NXN: variants seen among roughly 807,000 people sequenced by gnomAD.
NXN encodes the protein nucleoredoxin 1.
NXN carries 16 observed loss-of-function variants against 48.6 expected under a neutral mutation model. The observed-to-expected ratio is 0.33, with a 90% CI of 0.22 to 0.50. NXN has a LOEUF of 0.50. NXN is among the 20% of genes least tolerant of loss of function. The probability of loss-of-function intolerance (pLI) is 0.98; values close to 1 mark genes in which losing one functional copy is unlikely to be tolerated. For synonymous variants in NXN, 281 were observed against 269.6 expected (o/e 1.04, Z -0.41); for missense variants, 492 against 605.5 (o/e 0.81, Z 1.97).
In NXN at chr17:978,198, C is replaced by T. The variant is rs1432023154; in HGVS notation, c.360+1121G>A. 1.3e-5 allele frequency: 2 copies of T among 152,352 alleles called. No homozygotes were observed. Among genetic ancestry groups the T allele is most frequent in the East Asian group, 1.9e-4 (1 of 5,188 alleles). 9.4% of individuals were successfully genotyped at this position (152,352 alleles called of 1,614,324 possible). On this transcript the variant is annotated intron_variant, in intron 1 of 7. Transcript: ENST00000336868. This position sits in a 1 kb window ranked among gnomAD's most constrained non-coding sequence, Gnocchi z 4.1. ...CCCCAGAATAGCCCTTCTGTCCACTCCAGAAACAGGCTTTCCTCAAAAAGG... is the reference window on the plus strand; with the variant it reads ...CCCCAGAATAGCCCTTCTGTCCACTTCAGAAACAGGCTTTCCTCAAAAAGG...
intron 1 of NXN, among the ~76,000 whole-genome samples, chr17:889,923 C>T (rs895324765): frequency 1.3e-5 from 2 of 152,116 alleles, no homozygotes; most frequent in African/African-American, 4.8e-5. Context: ...CCTTCGCTCC[C>T]CCAACCTGCC....
At chr17:952,058 G>GT (rs1567516522) in intron 1 of NXN, among the ~76,000 whole-genome samples, 1 of 152,192 alleles carries the variant, frequency 6.6e-6, no homozygotes, top group Non-Finnish European at 1.5e-5. Context: ...GGGCGTTTCC[G>GT]TTTTTGTGGG....
Position 955,858 on chromosome 17 carries a change from T to C in NXN, c.360+23461A>G, listed in dbSNP as rs550189906. Among the ~76,000 whole-genome samples the C allele has an allele frequency of 6.0e-4, 90 of 150,406 alleles. 1 individual carries two copies. Among genetic ancestry groups the C allele is most frequent in the Admixed American group, 4.7e-3 (70 of 15,044 alleles). ...CGGAGCTTGCAGTGAGCCGAGATTG[T>C]GCCACTGCACTCCAGCCTGGGCGAC... is the stretch of plus-strand genomic sequence containing the variant. On this transcript the variant is annotated intron_variant, in intron 1 of 7. Transcript: ENST00000336868.
At chr17:859,205 C>T (rs2068017401) in intron 1 of NXN, among the ~76,000 whole-genome samples, 1 of 152,166 alleles carries the variant, frequency 6.6e-6, no homozygotes, top group Non-Finnish European at 1.5e-5. Context: ...AGTCTGAGCC[C>T]ACAACCATAT....
intron 1 of NXN, among the ~76,000 whole-genome samples, chr17:922,752 A>C (rs984178209): frequency 2.6e-5 from 4 of 151,920 alleles, no homozygotes; most frequent in East Asian, 2.0e-4. Context: ...CCGGGGTTCA[A>C]GCGATTCTCC....
At chr17:927,388 C>G (rs752045958) in intron 1 of NXN, among the ~76,000 whole-genome samples, 1 of 151,966 alleles carries the variant, frequency 6.6e-6, no homozygotes, top group Non-Finnish European at 1.5e-5. Context: ...GCAGGCAGAT[C>G]GCTTGAGCTC....
At chr17:842,068 A>G (rs1914357646) in intron 1 of NXN, among the ~76,000 whole-genome samples, 1 of 152,168 alleles carries the variant, frequency 6.6e-6, no homozygotes, top group East Asian at 1.9e-4. Context: ...CCTGGGAGGC[A>G]GAGGTTGCAG....
chr17:874,617 T>C (rs1287196669), intron 1 of NXN, among the ~76,000 whole-genome samples: 1 of 150,740 alleles, frequency 6.6e-6, no homozygotes, highest in Non-Finnish European at 1.5e-5. Context: ...AGTCTTGTTA[T>C]GTCCTTACAG....
At chr17:832,198 G>C (rs1913514739) in intron 1 of NXN, among the ~76,000 whole-genome samples, 2 of 151,608 alleles carry the variant, frequency 1.3e-5, no homozygotes, top group African/African-American at 4.9e-5. Context: ...TCTTTTTTGA[G>C]ATGGAGTCTC....
chr17:966,656 A>C (rs1230677247), intron 1 of NXN, among the ~76,000 whole-genome samples: 1 of 151,994 alleles, frequency 6.6e-6, no homozygotes, highest in Non-Finnish European at 1.5e-5. Flanking sequence ...TGGTGTTCGC[A>C]TATTTTATGT....
At position 932,937 on chromosome 17, in the gene NXN, C is replaced by T. The variant is rs1344229586; in HGVS notation, c.360+46382G>A. Among the ~76,000 whole-genome samples, 1 of 141,004 alleles carries T rather than the reference C, an allele frequency of 7.1e-6. No individual in the cohort carries two copies. Among genetic ancestry groups the T allele is most frequent in the African/African-American group, 2.4e-5 (1 of 40,930 alleles). The allele number at this position is 141,004 out of a possible 152,430, so 92.5% of individuals were successfully genotyped here. A position where few individuals can be genotyped will look rare whatever the true frequency, so the allele number is the denominator to read the frequency against. On this transcript the variant is annotated intron_variant, in intron 1 of 7. Coordinates refer to ENST00000336868, the MANE Select transcript of NXN (RefSeq NM_022463.5). This position sits in a 1 kb window ranked among gnomAD's most constrained non-coding sequence, Gnocchi z 4.1. ...TACTGGGATTCCAGGCGTGAGCCACCGCGCCCAGCCCAGCCCGTCCTCTTG... is the reference window on the plus strand; with the variant it reads ...TACTGGGATTCCAGGCGTGAGCCACTGCGCCCAGCCCAGCCCGTCCTCTTG...
At chr17:878,729 G>C (rs2068248885) in intron 1 of NXN, among the ~76,000 whole-genome samples, 1 of 152,150 alleles carries the variant, frequency 6.6e-6, no homozygotes, top group South Asian at 2.1e-4. Context: ...ATTGAACCCA[G>C]TGAATGGGGG....
intron 1 of NXN, among the ~76,000 whole-genome samples, chr17:863,457 A>G (rs949790876): frequency 7.9e-5 from 12 of 151,380 alleles, no homozygotes; most frequent in African/African-American, 2.4e-4. Flanking sequence ...GTGAGCCACC[A>G]CGCTCAGCCG....
At chr17:840,721 G>A (rs936728874) in intron 1 of NXN, among the ~76,000 whole-genome samples, 11 of 152,320 alleles carry the variant, frequency 7.2e-5, no homozygotes, top group East Asian at 1.9e-4. Flanking sequence ...TGCTGCTAGC[G>A]TGACAGGCAG....
chr17:963,061 A>AT (rs1463498297), intron 1 of NXN, among the ~76,000 whole-genome samples: 5 of 152,154 alleles, frequency 3.3e-5, no homozygotes, highest in African/African-American at 1.2e-4. Flanking sequence ...GGCAGAAATC[A>AT]TACAAGGTTA....
intron 1 of NXN, among the ~76,000 whole-genome samples, chr17:836,575 T>C (rs1400622459): frequency 6.6e-6 from 1 of 152,134 alleles, no homozygotes; most frequent in Non-Finnish European, 1.5e-5. Flanking sequence ...GGACGAACAC[T>C]GAGGTTACTC....
At chr17:935,594 T>C (rs2068899727) in intron 1 of NXN, among the ~76,000 whole-genome samples, 1 of 152,162 alleles carries the variant, frequency 6.6e-6, no homozygotes, top group Non-Finnish European at 1.5e-5. Flanking sequence ...GCTCATTCAC[T>C]CCACACGTGT....
intron 1 of NXN, among the ~76,000 whole-genome samples, chr17:973,392 C>A (rs2069415269): frequency 6.6e-6 from 1 of 152,210 alleles, no homozygotes; most frequent in Admixed American, 6.5e-5. Flanking sequence ...GAAGACACAC[C>A]TAATAGCTTT....
intron 1 of NXN, among the ~76,000 whole-genome samples, chr17:923,418 G>C (rs1196414129): frequency 6.6e-6 from 1 of 152,154 alleles, no homozygotes; most frequent in Non-Finnish European, 1.5e-5. Context: ...AGCTACCCCG[G>C]AGGCTGAGAC....
Sources: gnomAD v4.1 joint callset for allele counts (sites outside exome capture counted in the v4.1 genomes callset) on GRCh38, gnomAD v4.1.1 for gene constraint, Gnocchi (gnomAD v3.1) non-coding constraint, MANE v1.5 for transcripts, NCBI Gene and HGNC (gene_info 2026-07-23, HGNC 2026-07-21) for gene names.